The following SHROOM4 variants were observed in gnomAD, a reference collection of about 807,000 sequenced individuals.
SHROOM4 encodes shroom family member 4.
In SHROOM4, 17 loss-of-function variants were observed where a neutral mutation model predicts 80.3. The observed-to-expected ratio is 0.21, with a 90% CI of 0.14 to 0.32. SHROOM4 has a LOEUF of 0.32. SHROOM4 is among the 10% of genes least tolerant of loss of function. SHROOM4 has a pLI of 1.00. For synonymous variants in SHROOM4, 400 were observed against 437.5 expected, an observed-to-expected ratio of 0.91 and a Z score of 1.07; for missense variants, 993 against 1,140.3, an observed-to-expected ratio of 0.87 and a Z score of 1.86.
chrX:50,729,685 G>A (rs1346357759), intron 1 of SHROOM4, among the ~76,000 whole-genome samples: 1 of 111,156 alleles, frequency 9.0e-6, no homozygotes, highest in African/African-American at 3.3e-5. Context: ...ACACCCAGAT[G>A]CATCATATTT....
intron 1 of SHROOM4, among the ~76,000 whole-genome samples, chrX:50,757,329 C>T (rs782169865): frequency 1.4e-4 from 16 of 112,281 alleles, no homozygotes; most frequent in African/African-American, 5.2e-4. Context: ...GGGATCTCAA[C>T]TGATTGCCAT....
chrX:50,698,531 A>G (rs782013360), intron 1 of SHROOM4, among the ~76,000 whole-genome samples: 3 of 111,493 alleles, frequency 2.7e-5, no homozygotes, highest in South Asian at 3.8e-4. Flanking sequence ...GATCCCTTCA[A>G]CTATATCCCA....
chrX:50,792,261 G>A (rs1406994014), intron 1 of SHROOM4, among the ~76,000 whole-genome samples: 1 of 112,061 alleles, frequency 8.9e-6, no homozygotes, highest in African/African-American at 3.2e-5. Context: ...CACTTTGGGA[G>A]GCCGAGGCTG....
chrX:50,611,006 T>C (rs1373000772), intron 5 of SHROOM4, among the ~76,000 whole-genome samples: 4 of 111,473 alleles, frequency 3.6e-5, no homozygotes, highest in Non-Finnish European at 7.5e-5. Flanking sequence ...TGAAACAGAC[T>C]GTATTTTTTT....
At chrX:50,703,205 T>G (rs1933565499) in intron 1 of SHROOM4, among the ~76,000 whole-genome samples, 1 of 111,824 alleles carries the variant, frequency 8.9e-6, no homozygotes, top group African/African-American at 3.3e-5. Context: ...AGGTGAAAAG[T>G]CTTAATGATT....
rs1346548206 is a variant in SHROOM4, at chrX:50,591,881, C to A, written c.*4814G>T. The A allele has an allele frequency of 3.2e-6, 1 of 317,368 alleles. No individual in the cohort carries two copies. The highest frequency in any genetic ancestry group is 2.7e-5 in the African/African-American group (1 of 36,867). 26.2% of individuals were successfully genotyped at this position (317,368 alleles called of 1,213,427 possible). A position where few individuals can be genotyped will look rare whatever the true frequency, so the allele number is the denominator to read the frequency against. ...TACTGGTGCGTGCCACCACACCTGGCTAATTTTTTGTATTTTTAGTAGAGA... is the reference window on the plus strand; with the variant it reads ...TACTGGTGCGTGCCACCACACCTGGATAATTTTTTGTATTTTTAGTAGAGA... On this transcript the variant is annotated 3_prime_UTR_variant, in exon 9 of 9. Coordinates refer to ENST00000376020, the MANE Select transcript of SHROOM4 (RefSeq NM_020717.5).
chrX:50,582,675 C>T (rs1928687395), downstream of SHROOM4, among the ~76,000 whole-genome samples: 1 of 111,540 alleles, frequency 9.0e-6, no homozygotes, highest in South Asian at 3.7e-4. Flanking sequence ...AGATTTTTTC[C>T]TAAAGGAATC....
chrX:50,729,504 A>C (rs1364886877), intron 1 of SHROOM4, among the ~76,000 whole-genome samples: 3 of 111,643 alleles, frequency 2.7e-5, no homozygotes, highest in Admixed American at 9.5e-5. Context: ...AATATGGTAC[A>C]CCATTAAGCA....
chrX:50,689,411 CA>C (rs1315489177), intron 2 of SHROOM4, among the ~76,000 whole-genome samples: 60 of 111,872 alleles, frequency 5.4e-4, no homozygotes, highest in Non-Finnish European at 9.8e-4. Flanking sequence ...ACTGTACATT[CA>C]ATTGTATCTT....
At chrX:50,808,976 C>A (rs891377713) in intron 1 of SHROOM4, among the ~76,000 whole-genome samples, 2 of 110,943 alleles carry the variant, frequency 1.8e-5, no homozygotes, top group African/African-American at 6.6e-5. Context: ...TACCACCCAC[C>A]CTTCTTGCTC....
At chrX:50,618,278 C>CTTCT (rs1569546602) in intron 5 of SHROOM4, among the ~76,000 whole-genome samples, 1 of 46,122 alleles carries the variant, frequency 2.2e-5, no homozygotes, top group Non-Finnish European at 4.4e-5. Flanking sequence ...TCTTCTCTTC[C>CTTCT]CCTTCCTTCC....
intron 2 of SHROOM4, among the ~76,000 whole-genome samples, chrX:50,682,419 C>T (rs1443067539): frequency 9.0e-6 from 1 of 111,635 alleles, no homozygotes; most frequent in Non-Finnish European, 1.9e-5. Context: ...TCATTCCATT[C>T]AATTAGCTAT....
chrX:50,724,747 C>T (rs1170794927), intron 1 of SHROOM4, among the ~76,000 whole-genome samples: 3 of 112,593 alleles, frequency 2.7e-5, no homozygotes, highest in African/African-American at 9.7e-5. Flanking sequence ...TCCCAAAGGG[C>T]GGGGGTTACA....
At position 50,780,865 on chromosome X, in the gene SHROOM4, A is replaced by G. The variant is rs1012003449; in HGVS notation, c.117+33037T>C. 2.7e-5 allele frequency among the ~76,000 whole-genome samples: 3 copies of G among 111,358 alleles called. No homozygotes were observed. The Admixed American group carries it at 2.9e-4, about 11-fold the overall frequency. ...TATAAAGATAAATATAGGAAGGGAG[A>G]TATTATGAGGGATTGGCTCACTGAT... On this transcript the variant is annotated intron_variant, in intron 1 of 8. Transcript: ENST00000376020.
chrX:50,638,046 G>T, intron 3 of SHROOM4, 128 bp downstream of exon 3: 1 of 850,977 alleles, frequency 1.2e-6, no homozygotes, highest in Non-Finnish European at 1.7e-6. Flanking sequence ...CAGGTACTCT[G>T]GACTCCCACT....
At position 50,635,714 on chromosome X, in the gene SHROOM4, G is replaced by A. The variant is rs782028232; in HGVS notation, c.405-46C>T. 67 of 1,148,435 alleles carry A rather than the reference G, an allele frequency of 5.8e-5. No individual in the cohort carries two copies. The East Asian group carries it at 1.2e-3, about 21-fold the overall frequency. 94.6% of individuals were successfully genotyped at this position (1,148,435 alleles called of 1,213,427 possible). ...TGGTTAGTTAGCGAAGTCATGGCCA[G>A]CCCTACTATAGGAGAGGGCAGGCCA... is the stretch of plus-strand genomic sequence containing the variant. On this transcript the variant is annotated intron_variant, in intron 3 of 8. Transcript: ENST00000376020.
chrX:50,620,574 C>A (rs1336533900), intron 5 of SHROOM4, among the ~76,000 whole-genome samples: 3 of 112,248 alleles, frequency 2.7e-5, no homozygotes, highest in Non-Finnish European at 5.6e-5. Flanking sequence ...ACTCTTGTCA[C>A]ATTTTTCTAG....
At chrX:50,633,048 C>G (rs1166172501) in intron 4 of SHROOM4, 130 bp downstream of exon 4, 19 of 681,176 alleles carry the variant, frequency 2.8e-5, no homozygotes, top group Non-Finnish European at 4.0e-5. Context: ...GGTTACTAAG[C>G]TAACAACTAC....
rs1454338673 is a variant in SHROOM4 at position 50,596,223 on chromosome X, G to A, written c.*472C>T. The A allele has an allele frequency of 2.7e-5, 9 of 332,155 alleles. No homozygotes were observed. Among genetic ancestry groups the A allele is most frequent in the Admixed American group, 2.2e-4 (7 of 32,238 alleles). 27.4% of individuals were successfully genotyped at this position (332,155 alleles called of 1,213,427 possible). A position where few individuals can be genotyped will look rare whatever the true frequency, so the allele number is the denominator to read the frequency against. On this transcript the variant is annotated 3_prime_UTR_variant, in exon 9 of 9. Coordinates refer to ENST00000376020, the MANE Select transcript of SHROOM4 (RefSeq NM_020717.5). ...AAGCTTGGGTGAGGCCCTGAAACTG[G>A]TGCCAGGTGAATGCCCTCAAGGCAG...
Sources: allele counts gnomAD v4.1 joint callset (sites outside exome capture counted in the v4.1 genomes callset), GRCh38; gene constraint gnomAD v4.1.1; transcripts MANE v1.5; gene names NCBI Gene and HGNC (gene_info 2026-07-23, HGNC 2026-07-21).